Variants in COLEC10 observed in about 807,000 individuals in gnomAD.
COLEC10 encodes the protein collectin-10.
In COLEC10, 22 loss-of-function variants were observed where a neutral mutation model predicts 28.4. That is an observed-to-expected ratio of 0.78 (90% confidence interval 0.55 to 1.11). COLEC10 has a LOEUF of 1.11. Among genes scored for constraint, COLEC10 ranks in the 50% least tolerant of loss-of-function variants. The pLI is 0.00. For missense variants in COLEC10, 361 were observed against 344.1 expected (o/e 1.05, Z -0.39); for synonymous variants, 125 against 116.1 (o/e 1.08, Z -0.49).
chr8:119,035,684 T>C (rs1372516582), intron 2 of COLEC10, among the ~76,000 whole-genome samples: 1 of 152,338 alleles, frequency 6.6e-6, no homozygotes. Flanking sequence ...CTTTAAACTC[T>C]GGGCAAACCA....
chr8:119,101,710 C>A (rs550270831), intron 3 of COLEC10, among the ~76,000 whole-genome samples: 1 of 152,274 alleles, frequency 6.6e-6, no homozygotes, highest in South Asian at 2.1e-4. Context: ...TATATCCTTT[C>A]AAAGCACCCA....
At chr8:119,041,311 G>A (rs1056396458) in intron 2 of COLEC10, among the ~76,000 whole-genome samples, 8 of 151,966 alleles carry the variant, frequency 5.3e-5, no homozygotes, top group Middle Eastern at 3.2e-3. Flanking sequence ...TTTGATTCTG[G>A]AAGAAAAACC....
intron 2 of COLEC10, among the ~76,000 whole-genome samples, chr8:119,016,248 A>C (rs1813989442): frequency 1.3e-5 from 2 of 151,936 alleles, no homozygotes; most frequent in Admixed American, 6.6e-5. Context: ...CTCATTGTTC[A>C]CCTTCCGCTT....
At chr8:119,041,980 G>C (rs1470189872) in intron 2 of COLEC10, among the ~76,000 whole-genome samples, 3 of 151,914 alleles carry the variant, frequency 2.0e-5, no homozygotes, top group South Asian at 2.1e-4. Context: ...AGGAGGTAGG[G>C]GGAAGCAATT....
chr8:119,000,069 G>A (rs1366751269), intron 1 of COLEC10, among the ~76,000 whole-genome samples: 1 of 152,192 alleles, frequency 6.6e-6, no homozygotes, highest in Non-Finnish European at 1.5e-5. Context: ...AGAGCATAGT[G>A]CTGATTTCCT....
chr8:118,987,379 C>A, the COLEC10 span, among the ~76,000 whole-genome samples: 1 of 152,110 alleles, frequency 6.6e-6, no homozygotes, highest in Non-Finnish European at 1.5e-5. Flanking sequence ...GCCTGGCCAA[C>A]AGGGCAAAAC....
intron 2 of COLEC10, among the ~76,000 whole-genome samples, chr8:119,054,716 A>C (rs1814733809): frequency 3.9e-5 from 6 of 152,120 alleles, no homozygotes; most frequent in Admixed American, 3.9e-4. Context: ...CATGTTTTTA[A>C]AAATGTTTGC....
At chr8:118,974,328 G>A in the COLEC10 span, among the ~76,000 whole-genome samples, 1 of 151,918 alleles carries the variant, frequency 6.6e-6, no homozygotes, top group African/African-American at 2.4e-5. Flanking sequence ...AGTATGATAA[G>A]AGAAATGTAA....
At chr8:118,957,880 G>A in the COLEC10 span, among the ~76,000 whole-genome samples, 1 of 152,130 alleles carries the variant, frequency 6.6e-6, no homozygotes, top group Admixed American at 6.6e-5. Flanking sequence ...TCCCTGGAAT[G>A]GGAACCTTCT....
chr8:119,020,052 G>T lies in COLEC10; in HGVS notation n.235+10499G>T, dbSNP rs566078322. Among the ~76,000 whole-genome samples the T allele has an allele frequency of 3.0e-4, 46 of 152,288 alleles. No homozygotes were observed. In the Middle Eastern group the frequency reaches 0.01, roughly 34 times the overall value. ...CTTTGAAGTTCTGTCTGATTTCCCT[G>T]AGCAGGCAGTAGCTTTCTCATCTAT... On this transcript the variant is annotated intron_variant and non_coding_transcript_variant, in intron 2 of 6. Coordinates refer to the COLEC10 transcript ENST00000521788.
intron 3 of COLEC10, among the ~76,000 whole-genome samples, 165 bp downstream of exon 3, chr8:119,091,385 CAA>C (rs33915063): frequency 0.072 from 9,845 of 137,380 alleles, 1,020 homozygotes; most frequent in African/African-American, 0.24. Flanking sequence ...CAATCTCTAC[CAA>C]AAAAAAAAAA....
intron 2 of COLEC10, among the ~76,000 whole-genome samples, chr8:119,059,085 T>C (rs1814810257): frequency 6.6e-6 from 1 of 152,136 alleles, no homozygotes. Context: ...ATTTTTAATT[T>C]GATTGTATTA....
intron 3 of COLEC10, among the ~76,000 whole-genome samples, chr8:119,091,690 T>G (rs1815606323): frequency 6.6e-6 from 1 of 152,138 alleles, no homozygotes; most frequent in Admixed American, 6.5e-5. Context: ...ATATCTCCTT[T>G]TCCTTCTTTT....
the COLEC10 span, among the ~76,000 whole-genome samples, chr8:118,973,246 A>C: frequency 6.6e-6 from 1 of 152,012 alleles, no homozygotes; most frequent in Admixed American, 6.6e-5. Context: ...TCACCACAAT[A>C]TTAGCAGCTT....
intron 5 of COLEC10, among the ~76,000 whole-genome samples, chr8:119,104,708 T>C (rs906151887): frequency 9.2e-5 from 14 of 152,168 alleles, no homozygotes; most frequent in African/African-American, 3.1e-4. Flanking sequence ...CCTCATCTTG[T>C]AACACTAGAG....
intron 1 of COLEC10, among the ~76,000 whole-genome samples, chr8:119,001,818 G>A (rs532590188): frequency 3.9e-4 from 60 of 152,184 alleles, no homozygotes; most frequent in African/African-American, 1.4e-3. Flanking sequence ...ACCACTTTCA[G>A]CTTTAAAAAT....
At chr8:118,976,549 C>G in the COLEC10 span, 1 of 152,178 alleles carries the variant, frequency 6.6e-6, no homozygotes, top group African/African-American at 2.4e-5. Flanking sequence ...AAAATTGGAA[C>G]GATACAGAGA....
intron 2 of COLEC10, among the ~76,000 whole-genome samples, chr8:119,054,621 C>T (rs1814732674): frequency 6.6e-6 from 1 of 152,052 alleles, no homozygotes; most frequent in Non-Finnish European, 1.5e-5. Flanking sequence ...TCTGAAATCA[C>T]TCACATCATT....
the COLEC10 span, among the ~76,000 whole-genome samples, chr8:118,966,227 T>G: frequency 1.3e-5 from 2 of 152,138 alleles, no homozygotes; most frequent in Non-Finnish European, 2.9e-5. Flanking sequence ...TGATTATACA[T>G]GGAAAGTCAC....
Sources: allele counts gnomAD v4.1 joint callset (sites outside exome capture counted in the v4.1 genomes callset), GRCh38; gene constraint gnomAD v4.1.1; transcripts MANE v1.5; gene names NCBI Gene and HGNC (gene_info 2026-07-23, HGNC 2026-07-21).